RBFOX1: variants seen among roughly 807,000 people sequenced by gnomAD.
The protein encoded by RBFOX1 is RNA binding protein fox-1 homolog 1.
A neutral mutation model predicts 57.7 loss-of-function variants in RBFOX1; 8 were observed. That is an observed-to-expected ratio of 0.14 (90% CI 0.08 to 0.25). RBFOX1 has a LOEUF of 0.25. Ranked by LOEUF, RBFOX1 falls within the 10% of genes least tolerant of loss-of-function variation. The pLI, the probability that RBFOX1 is intolerant of heterozygous loss-of-function variation, is 1.00. For synonymous variants in RBFOX1, 326 were observed against 222.4 expected (o/e 1.47, Z -4.15); for missense variants, 611 against 548.5 (o/e 1.11, Z -1.14).
chr16:6,774,356 C>G (rs1339613397), intron 3 of RBFOX1, among the ~76,000 whole-genome samples: 4 of 152,108 alleles, frequency 2.6e-5, no homozygotes, highest in Non-Finnish European at 4.4e-5. Context: ...TTCTAACTGG[C>G]CAAGTCTACA....
intron 3 of RBFOX1, among the ~76,000 whole-genome samples, chr16:6,728,921 ACATACG>A (rs1200418512): frequency 2.2e-4 from 33 of 152,342 alleles, no homozygotes; most frequent in Middle Eastern, 3.4e-3. Flanking sequence ...ACATATGCAT[ACATACG>A]CACACGTATA....
At chr16:7,709,869 C>T (rs2083670066) in intron 15 of RBFOX1, 1 of 1,138,240 alleles carries the variant, frequency 8.8e-7, no homozygotes, top group Non-Finnish European at 1.1e-6. Context: ...CACGTGAGAG[C>T]ATATGCAATC....
At chr16:6,466,412 A>T (rs1403711979) in intron 2 of RBFOX1, among the ~76,000 whole-genome samples, 1 of 152,126 alleles carries the variant, frequency 6.6e-6, no homozygotes, top group East Asian at 1.9e-4. Flanking sequence ...CTCAGCCACC[A>T]CCTGAAGTAG....
intron 2 of RBFOX1, among the ~76,000 whole-genome samples, chr16:5,484,277 C>G (rs1462120946): frequency 6.6e-6 from 1 of 152,222 alleles, no homozygotes; most frequent in Admixed American, 6.5e-5. Flanking sequence ...CTGGACAGAG[C>G]CCTTCAGTTC....
At chr16:7,431,057 A>C (rs139651125) in intron 4 of RBFOX1, among the ~76,000 whole-genome samples, 1 of 152,192 alleles carries the variant, frequency 6.6e-6, no homozygotes, top group South Asian at 2.1e-4. Context: ...CTGGCTTTCT[A>C]CTAAGGCACA....
intron 3 of RBFOX1, among the ~76,000 whole-genome samples, chr16:5,646,598 G>A (rs2049062429): frequency 6.6e-6 from 1 of 152,128 alleles, no homozygotes; most frequent in East Asian, 1.9e-4. Flanking sequence ...TGTCAGGGAG[G>A]GCATGGCAGG....
chr16:5,877,998 C>T (rs2057659600), intron 4 of RBFOX1, among the ~76,000 whole-genome samples: 1 of 152,230 alleles, frequency 6.6e-6, no homozygotes, highest in African/African-American at 2.4e-5. Context: ...CCTCCTACCT[C>T]ACACTTGCTC....
At chr16:7,139,174 C>CTGTGTGTGTGTGTG (rs1276311817) in intron 4 of RBFOX1, among the ~76,000 whole-genome samples, 194 of 22,752 alleles carry the variant, frequency 8.5e-3, no homozygotes, top group African/African-American at 0.016. Flanking sequence ...ATCAATCTCT[C>CTGTGTGTGTGTGTG]TCTGTGTGTG....
At chr16:7,611,470 C>T (rs1208555991) in intron 10 of RBFOX1, among the ~76,000 whole-genome samples, 1 of 151,706 alleles carries the variant, frequency 6.6e-6, no homozygotes, top group African/African-American at 2.4e-5. Flanking sequence ...TACCAGCTAC[C>T]TGGGAGGCTG....
chr16:5,988,565 A>T (rs1596352136), intron 4 of RBFOX1, among the ~76,000 whole-genome samples: 1 of 152,020 alleles, frequency 6.6e-6, no homozygotes, highest in Non-Finnish European at 1.5e-5. Context: ...CCTTCCTGCC[A>T]CCCTGCTTGG....
At chr16:5,768,846 G>A (rs1204402312) in intron 3 of RBFOX1, among the ~76,000 whole-genome samples, 4 of 151,822 alleles carry the variant, frequency 2.6e-5, no homozygotes, top group Non-Finnish European at 5.9e-5. Context: ...GAAGATGCTC[G>A]ACTACACGGA....
At chr16:7,521,742 T>C (rs1371143010) in intron 5 of RBFOX1, among the ~76,000 whole-genome samples, 1 of 152,212 alleles carries the variant, frequency 6.6e-6, no homozygotes, top group Non-Finnish European at 1.5e-5. Context: ...TTCAAAATCA[T>C]AGTCAGAGGG....
intron 2 of RBFOX1, among the ~76,000 whole-genome samples, chr16:6,542,575 C>T (rs888327001): frequency 1.4e-5 from 2 of 142,538 alleles, no homozygotes; most frequent in African/African-American, 5.2e-5. Flanking sequence ...CTGCAAGCTC[C>T]GCCTCCTGGG....
In RBFOX1 at chr16:6,492,584, A is replaced by C. The variant is rs529700191; in HGVS notation, c.-63-162019A>C. ...ACTCCATCTCAAAAATAAATAAATAAAAATTAAATAAATAAATAAGTATGT... is the reference window on the plus strand; with the variant it reads ...ACTCCATCTCAAAAATAAATAAATACAAATTAAATAAATAAATAAGTATGT... On this transcript the variant is annotated intron_variant, in intron 2 of 15. Transcript: ENST00000550418. 6.3e-3 allele frequency among the ~76,000 whole-genome samples: 907 copies of C among 143,048 alleles called. 4 individuals are homozygous for C. The highest frequency in any genetic ancestry group is 0.05 in the Middle Eastern group (14 of 282). The allele number at this position is 143,048 out of a possible 152,430, so 93.8% of individuals were successfully genotyped here. A position where few individuals can be genotyped will look rare whatever the true frequency, so the allele number is the denominator to read the frequency against.
At chr16:6,585,476 C>T (rs747709504) in intron 2 of RBFOX1, among the ~76,000 whole-genome samples, 19 of 152,180 alleles carry the variant, frequency 1.2e-4, no homozygotes, top group Non-Finnish European at 2.2e-4. Flanking sequence ...TCCCCCATGT[C>T]ACATTCAAAA....
rs114344726 is a variant in RBFOX1 at position 5,840,096 on chromosome 16, C to A, written c.319-27207C>A. On this transcript the variant is annotated intron_variant, in intron 3 of 19. Coordinates refer to the RBFOX1 transcript ENST00000641259. ...CCATTTAGTATCTAACTCATGAACA[C>A]CCTCTTCCTCAATTTCTCTGCATCC... Among the ~76,000 whole-genome samples, 564 of 152,284 alleles carry A rather than the reference C, an allele frequency of 3.7e-3. 2 individuals carry two copies. Among genetic ancestry groups the A allele is most frequent in the African/African-American group, 0.013 (537 of 41,558 alleles).
intron 4 of RBFOX1, among the ~76,000 whole-genome samples, chr16:5,968,250 T>A (rs1206015496): frequency 6.6e-6 from 1 of 152,078 alleles, no homozygotes; most frequent in Non-Finnish European, 1.5e-5. Context: ...AATTTTTGTA[T>A]TTTTAGTAGA....
intron 2 of RBFOX1, among the ~76,000 whole-genome samples, chr16:6,568,481 T>C (rs1600131839): frequency 6.6e-6 from 1 of 152,078 alleles, no homozygotes; most frequent in Admixed American, 6.5e-5. Flanking sequence ...ATGGAAGCCA[T>C]AGTCTTTTAT....
chr16:5,529,451 C>T (rs1023458144), intron 2 of RBFOX1, among the ~76,000 whole-genome samples: 10 of 148,874 alleles, frequency 6.7e-5, no homozygotes, highest in African/African-American at 2.5e-4. Flanking sequence ...GGCTGGAGTG[C>T]AGTGGCATGA....
Sources: allele counts gnomAD v4.1 joint callset (sites outside exome capture counted in the v4.1 genomes callset), GRCh38; gene constraint gnomAD v4.1.1; transcripts MANE v1.5; gene names NCBI Gene and HGNC (gene_info 2026-07-23, HGNC 2026-07-21).